PCDHGA7: variants seen among roughly 807,000 people sequenced by gnomAD.
The protein encoded by PCDHGA7 is protocadherin gamma subfamily A, 7.
In PCDHGA7, 44 loss-of-function variants were observed where a neutral mutation model predicts 58.3. That is an observed-to-expected ratio of 0.75 (90% CI 0.59 to 0.97). PCDHGA7 has a LOEUF of 0.97. PCDHGA7 is among the 50% of genes least tolerant of loss of function. The pLI, the probability that PCDHGA7 is intolerant of heterozygous loss-of-function variation, is 0.00. For synonymous variants in PCDHGA7, 516 were observed against 504.2 expected (o/e 1.02, Z -0.31); for missense variants, 1,266 against 1,188.7 (o/e 1.06, Z -0.96).
chr5:141,398,051 C>T, intron 1 of PCDHGA7: 1 of 1,512,220 alleles, frequency 6.6e-7, no homozygotes, highest in Non-Finnish European at 8.9e-7. Flanking sequence ...GTTCGGAGAT[C>T]CAAAAATCTA....
intron 1 of PCDHGA7, chr5:141,478,905 G>T (rs1593970684): frequency 1.1e-6 from 1 of 930,214 alleles, no homozygotes; most frequent in East Asian, 2.7e-5. Flanking sequence ...GGAATAAGCT[G>T]CTGGATACCT....
At position 141,385,134 on chromosome 5, in the gene PCDHGA7, G is replaced by T. The variant is rs774973571; in HGVS notation, c.2235G>T (p.Gly745=). The T allele has an allele frequency of 6.2e-7, 1 of 1,614,188 alleles. No individual in the cohort carries two copies. Among genetic ancestry groups the T allele is most frequent in the East Asian group, 2.2e-5 (1 of 44,880 alleles). Residue 745 remains glycine (G), a synonymous_variant, in exon 1 of 4, where the codon GGG becomes GGT. Transcript: ENST00000518325. ...CCTCGCACTTTGTGGGCATGGACGG[G>T]GTGCAGGCTTTCCTGCAGACCTATT... ...VPTSHFVGMD[G]VQAFLQTYSH...
intron 1 of PCDHGA7, among the ~76,000 whole-genome samples, chr5:141,452,909 T>C (rs1408054133): frequency 6.6e-6 from 1 of 152,232 alleles, no homozygotes; most frequent in Non-Finnish European, 1.5e-5. Flanking sequence ...GTTGGCATTA[T>C]ACAGTAAGAA....
intron 1 of PCDHGA7, among the ~76,000 whole-genome samples, chr5:141,466,757 T>G (rs1486124876): frequency 6.6e-6 from 1 of 152,224 alleles, no homozygotes; most frequent in Non-Finnish European, 1.5e-5. Context: ...AGGGGCTCTT[T>G]TCAAACTGTT....
At chr5:141,499,828 A>G (rs921957227) in intron 2 of PCDHGA7, among the ~76,000 whole-genome samples, 1 of 151,834 alleles carries the variant, frequency 6.6e-6, no homozygotes, top group Non-Finnish European at 1.5e-5. Context: ...CTAGGATTAC[A>G]GGTGTGCACC....
At chr5:141,426,779 T>G in intron 1 of PCDHGA7, 6 of 456,698 alleles carry the variant, frequency 1.3e-5, no homozygotes, top group Non-Finnish European at 1.8e-5. Context: ...GGCCTCACTC[T>G]CTCCAGAGTT....
At chr5:141,450,364 T>G (rs2098678485) in intron 1 of PCDHGA7, among the ~76,000 whole-genome samples, 1 of 152,188 alleles carries the variant, frequency 6.6e-6, no homozygotes, top group Admixed American at 6.5e-5. Flanking sequence ...TCCTCAGCCT[T>G]GTTTGTTTAT....
Position 141,491,905 on chromosome 5 carries a change from G to A in PCDHGA7, c.2425-2902G>A. 7.1e-7 allele frequency: 1 copy of A among 1,418,328 alleles called. No individual in the cohort carries two copies. Among genetic ancestry groups the A allele is most frequent in the Non-Finnish European group, 9.3e-7 (1 of 1,069,952 alleles). 87.9% of individuals were successfully genotyped at this position (1,418,328 alleles called of 1,614,324 possible). ...GATGGGGCTCCGAGCACCGGGGGTG[G>A]TGGCGACTGTGGGCGAGGGGAGGTG... On this transcript the variant is annotated intron_variant, in intron 1 of 3. Transcript: ENST00000518325. This position sits in a 1 kb window ranked among gnomAD's most constrained non-coding sequence, Gnocchi z 6.9.
Position 141,485,256 on chromosome 5 carries a change from G to A in PCDHGA7, c.2425-9551G>A, listed in dbSNP as rs770176450. The A allele has an allele frequency of 6.2e-7, 1 of 1,614,186 alleles. No homozygotes were observed. Among genetic ancestry groups the A allele is most frequent in the Non-Finnish European group, 8.5e-7 (1 of 1,179,996 alleles). On this transcript the variant is annotated intron_variant, in intron 1 of 3. Transcript: ENST00000518325. The surrounding 1 kb of genome is among the most constrained non-coding windows in gnomAD (Gnocchi z 5.7). ...CTCTTTTACCACCTGGGTTACGTTTGTGGGCAGATCCGCTACCCGGTCCCA... is the reference window on the plus strand; with the variant it reads ...CTCTTTTACCACCTGGGTTACGTTTATGGGCAGATCCGCTACCCGGTCCCA...
intron 1 of PCDHGA7, among the ~76,000 whole-genome samples, chr5:141,449,708 A>G (rs2098652470): frequency 6.6e-6 from 1 of 151,418 alleles, no homozygotes; most frequent in African/African-American, 2.4e-5. Context: ...CAAACACATT[A>G]TTTTTATATG....
chr5:141,393,453 G>T lies in PCDHGA7; in HGVS notation c.2424+8130G>T, dbSNP rs373805221. On this transcript the variant is annotated intron_variant, in intron 1 of 3. Transcript: ENST00000518325. ...GGCTGCTCACCACCTGGTCCTCACG[G>T]CCTCGGATGGCGGCAAGCCGCCTCG... 6.6e-5 allele frequency: 107 copies of T among 1,614,038 alleles called. 2 individuals carry two copies. In the South Asian group the frequency reaches 1.0e-3, roughly 15 times the overall value.
chr5:141,444,525 C>T (rs2098439670), intron 1 of PCDHGA7, among the ~76,000 whole-genome samples: 1 of 152,062 alleles, frequency 6.6e-6, no homozygotes, highest in African/African-American at 2.4e-5. Context: ...GTAGGTGAGA[C>T]AGTGACTGTG....
rs1243112302 is a variant in PCDHGA7, at chr5:141,476,738, C to G, written c.2425-18069C>G. 6.2e-7 allele frequency: 1 copy of G among 1,614,076 alleles called. No homozygotes were observed. Among genetic ancestry groups the G allele is most frequent in the Non-Finnish European group, 8.5e-7 (1 of 1,180,028 alleles). On this transcript the variant is annotated intron_variant, in intron 1 of 3. Transcript: ENST00000518325. This position sits in a 1 kb window ranked among gnomAD's most constrained non-coding sequence, Gnocchi z 7.6. ...GCGCGCCCTGGACCGAGAACGGGAG[C>G]CTAGTCTCCAGTTAGTGCTGACGGC...
chr5:141,509,199 GTC>G (rs1017134758), intron 3 of PCDHGA7, among the ~76,000 whole-genome samples: 1 of 152,070 alleles, frequency 6.6e-6, no homozygotes, highest in Non-Finnish European at 1.5e-5. Context: ...AATATTTCCT[GTC>G]TCTCTATTTC....
Position 141,511,908 on chromosome 5 carries a change from A to T in PCDHGA7, c.*735A>T, listed in dbSNP as rs528200582. The T allele has an allele frequency of 4.5e-5, 7 of 156,536 alleles. No homozygotes were observed. The highest frequency in any genetic ancestry group is 1.9e-4 in the East Asian group (1 of 5,250). The allele number at this position is 156,536 out of a possible 1,614,324, so 9.7% of individuals were successfully genotyped here. A position where few individuals can be genotyped will look rare whatever the true frequency, so the allele number is the denominator to read the frequency against. On this transcript the variant is annotated 3_prime_UTR_variant, in exon 4 of 4. Transcript: ENST00000518325. ...GACTTCCCCCACCTCCTCCTCAAAC[A>T]AGAGACTCCACTGCATGTTCCAAGA...
At chr5:141,409,866 G>T in intron 1 of PCDHGA7, 1 of 1,612,376 alleles carries the variant, frequency 6.2e-7, no homozygotes, top group Non-Finnish European at 8.5e-7. Context: ...GTGGGAGACC[G>T]CAATGACAAC....
chr5:141,419,851 C>T, intron 1 of PCDHGA7: 1 of 1,614,062 alleles, frequency 6.2e-7, no homozygotes, highest in Non-Finnish European at 8.5e-7. Context: ...ACCTGGTGTT[C>T]GCAGATAGCT....
intron 1 of PCDHGA7, chr5:141,478,331 G>C: frequency 6.2e-7 from 1 of 1,613,956 alleles, no homozygotes; most frequent in Non-Finnish European, 8.5e-7. Context: ...CCGAACACCA[G>C]GGCCCTCCTT....
chr5:141,503,304 A>G (rs946582779), intron 2 of PCDHGA7, among the ~76,000 whole-genome samples: 1 of 152,150 alleles, frequency 6.6e-6, no homozygotes, highest in African/African-American at 2.4e-5. Flanking sequence ...ATTGCTCAAG[A>G]AAGAATTGTT....
Sources: allele counts gnomAD v4.1 joint callset (sites outside exome capture counted in the v4.1 genomes callset), GRCh38; gene constraint gnomAD v4.1.1; non-coding constraint Gnocchi (gnomAD v3.1); transcripts MANE v1.5; gene names NCBI Gene and HGNC (gene_info 2026-07-23, HGNC 2026-07-21).